HECW1: variants seen among roughly 807,000 people sequenced by gnomAD.
HECW1 encodes E3 ubiquitin-protein ligase HECW1.
Under a neutral mutation model 182.3 loss-of-function variants are expected in HECW1, and 61 were observed. The ratio of observed to expected loss-of-function variants is 0.33; its 90% confidence interval spans 0.27 to 0.41. The LOEUF (loss-of-function observed/expected upper bound fraction) is 0.41, where lower values mean the gene tolerates loss of function less well. Ranked by LOEUF, HECW1 falls within the 10% of genes least tolerant of loss-of-function variation. HECW1 has a pLI of 1.00. For synonymous variants in HECW1, 859 were observed against 832.6 expected, an observed-to-expected ratio of 1.03 and a Z score of -0.55; for missense variants, 1,739 against 2,108.9, an observed-to-expected ratio of 0.82 and a Z score of 3.44.
intron 19 of HECW1, among the ~76,000 whole-genome samples, chr7:43,494,930 C>T (rs2079060247): frequency 6.6e-6 from 1 of 152,136 alleles, no homozygotes; most frequent in Admixed American, 6.5e-5. Context: ...ACACAGGCTG[C>T]GTACTCTCCT....
At chr7:43,464,022 C>T (rs1450273107) in intron 14 of HECW1, among the ~76,000 whole-genome samples, 4 of 152,192 alleles carry the variant, frequency 2.6e-5, no homozygotes, top group Non-Finnish European at 5.9e-5. Flanking sequence ...GTGAAGGAAA[C>T]ACCACCACCC....
intron 8 of HECW1, among the ~76,000 whole-genome samples, chr7:43,411,867 T>C (rs2075815126): frequency 6.6e-6 from 1 of 152,190 alleles, no homozygotes; most frequent in Non-Finnish European, 1.5e-5. Context: ...ATGGACAGCA[T>C]ATTCTTCGGA....
At position 43,481,001 on chromosome 7, in the gene HECW1, T is replaced by C. The variant is rs370737414; in HGVS notation, c.3234+1257T>C. On this transcript the variant is annotated intron_variant, in intron 17 of 29. Coordinates refer to ENST00000395891, the MANE Select transcript of HECW1 (RefSeq NM_015052.5). ...AATGCCAGTGTGATAAAATGAATGT[T>C]TTTTCATGGAGTCGTCTTAAGTATC... 5.3e-5 allele frequency among the ~76,000 whole-genome samples: 8 copies of C among 152,176 alleles called. No individual in the cohort carries two copies. In the East Asian group the frequency reaches 1.3e-3, roughly 26 times the overall value.
At chr7:43,302,743 C>G (rs903719040) in intron 3 of HECW1, among the ~76,000 whole-genome samples, 1 of 152,220 alleles carries the variant, frequency 6.6e-6, no homozygotes, top group Admixed American at 6.5e-5. Flanking sequence ...GAGGTGAACA[C>G]ATATCCTTTT....
chr7:43,361,916 C>T (rs1469387976), intron 6 of HECW1, among the ~76,000 whole-genome samples: 1 of 139,726 alleles, frequency 7.2e-6, no homozygotes, highest in Non-Finnish European at 1.5e-5. Context: ...CCCAGGCAGG[C>T]GGATCACTTG....
At chr7:43,520,592 G>A (rs1190080463) in intron 24 of HECW1, among the ~76,000 whole-genome samples, 1 of 151,768 alleles carries the variant, frequency 6.6e-6, no homozygotes, top group African/African-American at 2.4e-5. Flanking sequence ...ACCTTCTCAA[G>A]ACAAATATGT....
intron 2 of HECW1, among the ~76,000 whole-genome samples, chr7:43,220,465 C>T (rs1470155318): frequency 6.6e-6 from 1 of 152,230 alleles, no homozygotes; most frequent in Non-Finnish European, 1.5e-5. Flanking sequence ...AGAGATCAGG[C>T]TGATGTCACG....
chr7:43,468,719 G>A (rs912841730), intron 15 of HECW1, among the ~76,000 whole-genome samples: 1 of 152,050 alleles, frequency 6.6e-6, no homozygotes, highest in South Asian at 2.1e-4. Flanking sequence ...ACAGGGTCTC[G>A]CTATGTAGCC....
intron 2 of HECW1, among the ~76,000 whole-genome samples, chr7:43,214,640 A>G (rs907293349): frequency 3.3e-5 from 5 of 152,190 alleles, no homozygotes; most frequent in African/African-American, 1.2e-4. Context: ...AATTATGGCA[A>G]ACTCAAGGTG....
chr7:43,446,775 C>G (rs558906240), intron 11 of HECW1, among the ~76,000 whole-genome samples: 70 of 152,280 alleles, frequency 4.6e-4, no homozygotes, highest in Non-Finnish European at 7.3e-4. Flanking sequence ...AAAAGAAACA[C>G]AGGCAGAAAG....
chr7:43,195,898 G>A (rs1794419822), intron 2 of HECW1, among the ~76,000 whole-genome samples: 3 of 152,064 alleles, frequency 2.0e-5, no homozygotes, highest in African/African-American at 7.2e-5. Flanking sequence ...CCAAATATAG[G>A]TATTCCCAGA....
chr7:43,386,194 C>A (rs2074788888), intron 6 of HECW1, among the ~76,000 whole-genome samples: 1 of 152,180 alleles, frequency 6.6e-6, no homozygotes, highest in African/African-American at 2.4e-5. Flanking sequence ...CCTCTAGGCC[C>A]AGATTGAAAG....
intron 1 of HECW1, 66 bp downstream of exon 1, chr7:43,113,003 T>G: frequency 5.2e-6 from 1 of 192,522 alleles, no homozygotes; most frequent in Non-Finnish European, 1.1e-5. Context: ...CTGGGCGGCT[T>G]CCCCGCCGCA....
intron 3 of HECW1, 93 bp downstream of exon 3, chr7:43,244,025 A>G (rs550642162): frequency 1.6e-5 from 16 of 1,032,000 alleles, no homozygotes; most frequent in Admixed American, 1.2e-4. Flanking sequence ...GCCTAGGGCC[A>G]TTGCGGTTGC....
intron 24 of HECW1, among the ~76,000 whole-genome samples, chr7:43,536,382 G>A (rs1266966317): frequency 6.6e-6 from 1 of 152,186 alleles, no homozygotes; most frequent in East Asian, 1.9e-4. Flanking sequence ...CACTGCCCAG[G>A]GGAGGCTCCA....
At chr7:43,131,133 G>T (rs190238422) in intron 2 of HECW1, among the ~76,000 whole-genome samples, 25 of 152,238 alleles carry the variant, frequency 1.6e-4, no homozygotes, top group Admixed American at 3.3e-4. Context: ...GGGCGTGGTG[G>T]CACACGCGTG....
intron 22 of HECW1, 44 bp from the exon 23 acceptor site, chr7:43,507,973 AT>A (rs1676926487): frequency 1.5e-6 from 2 of 1,376,878 alleles, no homozygotes; most frequent in East Asian, 4.6e-5. Context: ...CCTGTCCAGC[AT>A]CCTGACTTCA....
chr7:43,311,834 C>T lies in HECW1; in HGVS notation c.99C>T (p.Arg33=). The T allele has an allele frequency of 6.2e-7, 1 of 1,614,190 alleles. No individual in the cohort carries two copies. The highest frequency in any genetic ancestry group is 8.5e-7 in the Non-Finnish European group (1 of 1,180,018). The part of the protein sequence containing the change: ...ASPSRNSQSR[R]RCKEPLRYSY... Reference sequence around the variant, plus strand: ...CTTCTAGAAACTCCCAGAGCCGACGCCGGTGCAAGGAGCCGCTCCGATACA... The same window carrying T: ...CTTCTAGAAACTCCCAGAGCCGACGTCGGTGCAAGGAGCCGCTCCGATACA... Residue 33 remains arginine, a synonymous_variant, in exon 4 of 30, where the codon CGC becomes CGT. Transcript: ENST00000395891.
At chr7:43,165,672 C>G (rs1791040045) in intron 2 of HECW1, among the ~76,000 whole-genome samples, 1 of 151,856 alleles carries the variant, frequency 6.6e-6, no homozygotes, top group Non-Finnish European at 1.5e-5. Flanking sequence ...TGAGCCCACT[C>G]TAATCACTTA....
Sources: allele counts gnomAD v4.1 joint callset (sites outside exome capture counted in the v4.1 genomes callset), GRCh38; gene constraint gnomAD v4.1.1; transcripts MANE v1.5; gene names NCBI Gene and HGNC (gene_info 2026-07-23, HGNC 2026-07-21).